The following PRKCH variants were observed in gnomAD, a reference collection of about 807,000 sequenced individuals.
PRKCH encodes the protein protein kinase C eta.
In PRKCH, 28 loss-of-function variants were observed where a neutral mutation model predicts 82.5. The observed-to-expected ratio is 0.34, with a 90% confidence interval of 0.25 to 0.47. PRKCH has a LOEUF of 0.47. Among genes scored for constraint, PRKCH ranks in the 20% least tolerant of loss-of-function variants. The probability of loss-of-function intolerance (pLI) is 1.00; values close to 1 mark genes in which losing one functional copy is unlikely to be tolerated. For synonymous variants in PRKCH, 322 were observed against 327.4 expected (o/e 0.98, Z 0.18); for missense variants, 705 against 881.8 (o/e 0.80, Z 2.54).
intron 1 of PRKCH, among the ~76,000 whole-genome samples, chr14:61,374,279 T>C (rs1206544857): frequency 1.3e-5 from 2 of 152,158 alleles, no homozygotes; most frequent in Non-Finnish European, 2.9e-5. Context: ...GCGACTGCTT[T>C]CGTGGCGTTG....
chr14:61,487,422 C>A (rs138779113), intron 10 of PRKCH, among the ~76,000 whole-genome samples: 1 of 152,152 alleles, frequency 6.6e-6, no homozygotes, highest in East Asian at 1.9e-4. Context: ...GCATTTTTTT[C>A]CCACTCTCCA....
intron 9 of PRKCH, among the ~76,000 whole-genome samples, chr14:61,473,673 C>T (rs1449443132): frequency 6.6e-6 from 1 of 152,126 alleles, no homozygotes; most frequent in African/African-American, 2.4e-5. Flanking sequence ...TCATCCATGT[C>T]CTCTTGGTAA....
rs187683354 is a variant in PRKCH at position 61,509,767 on chromosome 14, T to C, written c.1434-19308T>C. Among the ~76,000 whole-genome samples the C allele has an allele frequency of 2.6e-3, 399 of 152,024 alleles. 1 individual carries two copies. Among genetic ancestry groups the C allele is most frequent in the Non-Finnish European group, 4.4e-3 (302 of 67,970 alleles). ...AATAAAAATAAAATAAAATAAAAAC[T>C]AGCCATGCATGGTGGTGGGTTCCTC... On this transcript the variant is annotated intron_variant, in intron 10 of 13. Coordinates refer to ENST00000332981, the MANE Select transcript of PRKCH (RefSeq NM_006255.5).
intron 7 of PRKCH, 123 bp downstream of exon 7, chr14:61,453,476 T>C (rs755759225): frequency 5.8e-5 from 56 of 958,394 alleles, no homozygotes; most frequent in Non-Finnish European, 7.5e-5. Flanking sequence ...AACAGACTTA[T>C]TGCCTTTCTT....
At position 61,485,485 on chromosome 14, in the gene PRKCH, C is replaced by G. The variant is rs1199702615; in HGVS notation, c.1279-17C>G. On this transcript the variant is annotated splice_polypyrimidine_tract_variant and intron_variant, in intron 9 of 13. Coordinates refer to ENST00000332981, the MANE Select transcript of PRKCH (RefSeq NM_006255.5). ...ATTGCTACACCACATTGGGCCCTCTCTTGTGTTTGTATCCAGGATCGTCTG... is the reference window on the plus strand; with the variant it reads ...ATTGCTACACCACATTGGGCCCTCTGTTGTGTTTGTATCCAGGATCGTCTG... 6 of 1,612,570 alleles carry G rather than the reference C, an allele frequency of 3.7e-6. No homozygotes were observed. Among genetic ancestry groups the G allele is most frequent in the Non-Finnish European group, 4.2e-6 (5 of 1,179,118 alleles).
At chr14:61,383,988 C>T (rs961569334) in intron 1 of PRKCH, among the ~76,000 whole-genome samples, 7 of 151,982 alleles carry the variant, frequency 4.6e-5, no homozygotes, top group African/African-American at 1.5e-4. Context: ...CGGAGACCAG[C>T]GGAGGCTTTA....
chr14:61,493,030 C>G (rs1886521335), intron 10 of PRKCH, among the ~76,000 whole-genome samples: 2 of 152,176 alleles, frequency 1.3e-5, no homozygotes, highest in African/African-American at 4.8e-5. Context: ...GCACTGGAGC[C>G]TGAAGTTGGA....
intron 1 of PRKCH, among the ~76,000 whole-genome samples, chr14:61,218,076 T>C (rs1020197158): frequency 6.6e-6 from 1 of 152,228 alleles, no homozygotes; most frequent in African/African-American, 2.4e-5. Context: ...ATGCTTACCT[T>C]GACTTCTCTT....
chr14:61,216,198 C>G (rs1290694912), intron 1 of PRKCH, among the ~76,000 whole-genome samples: 1 of 152,142 alleles, frequency 6.6e-6, no homozygotes, highest in Non-Finnish European at 1.5e-5. Flanking sequence ...GGCACAGTGG[C>G]TCATGCCTGT....
chr14:61,308,803 A>T (rs1341977024), intron 1 of PRKCH, among the ~76,000 whole-genome samples: 1 of 149,372 alleles, frequency 6.7e-6, no homozygotes, highest in Non-Finnish European at 1.5e-5. Context: ...CTAGTTTTAA[A>T]TTTTTTGTAG....
intron 10 of PRKCH, among the ~76,000 whole-genome samples, chr14:61,516,337 G>A (rs1178976647): frequency 6.6e-6 from 1 of 152,170 alleles, no homozygotes; most frequent in African/African-American, 2.4e-5. Context: ...ACTTTTGCTA[G>A]CATGTATGGT....
At chr14:61,467,701 G>A (rs1421782992) in intron 9 of PRKCH, among the ~76,000 whole-genome samples, 1 of 152,190 alleles carries the variant, frequency 6.6e-6, no homozygotes, top group Non-Finnish European at 1.5e-5. Flanking sequence ...TGATTCCTGG[G>A]GACTGAATGG....
At chr14:61,355,837 C>T (rs2046140302) in intron 1 of PRKCH, among the ~76,000 whole-genome samples, 3 of 152,178 alleles carry the variant, frequency 2.0e-5, no homozygotes, top group Non-Finnish European at 4.4e-5. Context: ...CACCAAAACA[C>T]CTGTATAGTT....
rs1327429386 is a variant in PRKCH, at chr14:61,388,333, C to T, written c.364-2892C>T. ...GTGTTTAAATCCGGCTTTTCCACCA[C>T]AGTGGGTGACATGGGTCAAAAATGC... On this transcript the variant is annotated intron_variant, in intron 1 of 13. Coordinates refer to ENST00000332981, the MANE Select transcript of PRKCH (RefSeq NM_006255.5). Among the ~76,000 whole-genome samples, 12 of 152,198 alleles carry T rather than the reference C, an allele frequency of 7.9e-5. 2 individuals are homozygous for T. Among genetic ancestry groups the T allele is most frequent in the Admixed American group, 7.9e-4 (12 of 15,282 alleles).
chr14:61,226,142 A>T (rs1340966968), intron 1 of PRKCH, among the ~76,000 whole-genome samples: 1 of 152,200 alleles, frequency 6.6e-6, no homozygotes, highest in Non-Finnish European at 1.5e-5. Context: ...TAGGCAAATC[A>T]TACCATGTTA....
intron 1 of PRKCH, among the ~76,000 whole-genome samples, chr14:61,389,595 G>C (rs1014406096): frequency 3.9e-5 from 6 of 152,022 alleles, no homozygotes; most frequent in African/African-American, 1.5e-4. Flanking sequence ...TAGCTACTTG[G>C]GAGGCTGAGG....
intron 1 of PRKCH, among the ~76,000 whole-genome samples, chr14:61,246,518 C>T (rs1235148251): frequency 6.6e-6 from 1 of 152,008 alleles, no homozygotes; most frequent in Non-Finnish European, 1.5e-5. Context: ...ATTTCTATTC[C>T]TCTGGCCTTT....
At chr14:61,187,766 G>A (rs1179646997) in intron 1 of PRKCH, 2 of 152,220 alleles carry the variant, frequency 1.3e-5, no homozygotes, top group African/African-American at 4.8e-5. Flanking sequence ...AGAATGGAAT[G>A]TGCTACTTTA....
At chr14:61,269,748 T>C (rs117378915) in intron 1 of PRKCH, among the ~76,000 whole-genome samples, 1,874 of 152,366 alleles carry the variant, frequency 0.012, 28 homozygotes, top group East Asian at 0.07. Flanking sequence ...ATTCTGTCTA[T>C]GTCCAGCGGA....
Sources: gnomAD v4.1 joint callset for allele counts (sites outside exome capture counted in the v4.1 genomes callset) on GRCh38, gnomAD v4.1.1 for gene constraint, MANE v1.5 for transcripts, NCBI Gene and HGNC (gene_info 2026-07-23, HGNC 2026-07-21) for gene names.